TRDN: variants seen among roughly 807,000 people sequenced by gnomAD.
The protein encoded by TRDN is triadin in skeletal muscle.
TRDN carries 161 observed loss-of-function variants against 149.7 expected under a neutral mutation model. The observed-to-expected ratio is 1.08, with a 90% CI of 0.95 to 1.23. The LOEUF is 1.23. Ranked by LOEUF, TRDN falls within the 50% of genes most tolerant of loss-of-function variation. The pLI, the probability that TRDN is intolerant of heterozygous loss-of-function variation, is 0.00. For missense variants in TRDN, 896 were observed against 823.5 expected (o/e 1.09, Z -1.08); for synonymous variants, 294 against 250.5 (o/e 1.17, Z -1.64).
intron 9 of TRDN, among the ~76,000 whole-genome samples, chr6:123,482,858 C>T (rs981954917): frequency 9.9e-5 from 15 of 151,874 alleles, no homozygotes; most frequent in Non-Finnish European, 2.2e-4. Context: ...CTTTTTCCCT[C>T]AGGAAAGCAG....
At chr6:123,625,266 T>C (rs1785595599) in intron 1 of TRDN, among the ~76,000 whole-genome samples, 1 of 152,176 alleles carries the variant, frequency 6.6e-6, no homozygotes, top group Non-Finnish European at 1.5e-5. Context: ...AACAATAATA[T>C]GACATTCTTT....
In TRDN at chr6:123,218,597, G is replaced by A. The variant is rs780798490; in HGVS notation, c.*4C>T. ...AAGCACTTGTAAGGGTCATACATGT[G>A]TGTTTACTGTCCTTGTTGCTTCTGT... On this transcript the variant is annotated 3_prime_UTR_variant, in exon 41 of 41. Coordinates refer to ENST00000334268, the MANE Select transcript of TRDN (RefSeq NM_006073.4). The A allele has an allele frequency of 1.9e-6, 3 of 1,610,856 alleles. No individual in the cohort carries two copies. In the Admixed American group the frequency reaches 5.0e-5, roughly 27 times the overall value.
intron 9 of TRDN, among the ~76,000 whole-genome samples, chr6:123,473,044 C>T (rs541545652): frequency 1.1e-3 from 163 of 152,336 alleles, no homozygotes; most frequent in African/African-American, 3.7e-3. Context: ...CGCCTCTCCT[C>T]CTCCAAAGGA....
chr6:123,540,543 T>A (rs1780776154), intron 4 of TRDN, among the ~76,000 whole-genome samples: 1 of 152,220 alleles, frequency 6.6e-6, no homozygotes, highest in African/African-American at 2.4e-5. Flanking sequence ...TTTGTTTGTT[T>A]GAGTCTCGCT....
chr6:123,504,491 T>G (rs1285115687), intron 7 of TRDN, among the ~76,000 whole-genome samples: 2 of 152,178 alleles, frequency 1.3e-5, no homozygotes, highest in Non-Finnish European at 2.9e-5. Flanking sequence ...AGACCTATAG[T>G]CTAATGATTT....
chr6:123,313,152 C>T (rs1778896590), intron 24 of TRDN, among the ~76,000 whole-genome samples: 1 of 151,970 alleles, frequency 6.6e-6, no homozygotes, highest in South Asian at 2.1e-4. Context: ...ATGTTATTCT[C>T]TATGCTAGCT....
chr6:123,547,064 T>C (rs573245673), intron 4 of TRDN, among the ~76,000 whole-genome samples: 2 of 152,268 alleles, frequency 1.3e-5, no homozygotes, highest in Non-Finnish European at 2.9e-5. Context: ...TACAGAATTC[T>C]CCCCTCATTC....
At chr6:123,613,155 T>C (rs1441800057) in intron 1 of TRDN, among the ~76,000 whole-genome samples, 1 of 152,180 alleles carries the variant, frequency 6.6e-6, no homozygotes, top group Non-Finnish European at 1.5e-5. Context: ...ATTTTATGCA[T>C]TGAACAAATC....
At chr6:123,221,817 G>C (rs969960168) in intron 39 of TRDN, among the ~76,000 whole-genome samples, 9 of 151,712 alleles carry the variant, frequency 5.9e-5, no homozygotes, top group Non-Finnish European at 1.2e-4. Flanking sequence ...GAGGATAGTT[G>C]ACATGCATCC....
intron 4 of TRDN, among the ~76,000 whole-genome samples, chr6:123,540,552 C>T (rs897118370): frequency 2.6e-5 from 4 of 152,144 alleles, no homozygotes; most frequent in African/African-American, 9.6e-5. Context: ...TTGAGTCTCG[C>T]TCTGTCACCC....
chr6:123,453,214 A>G (rs1042605394), intron 10 of TRDN, among the ~76,000 whole-genome samples: 1 of 152,242 alleles, frequency 6.6e-6, no homozygotes, highest in African/African-American at 2.4e-5. Context: ...TTCATGACCA[A>G]TAACCCAAAA....
At chr6:123,248,016 T>C (rs1260853107) in intron 38 of TRDN, among the ~76,000 whole-genome samples, 1 of 152,090 alleles carries the variant, frequency 6.6e-6, no homozygotes, top group Non-Finnish European at 1.5e-5. Context: ...CTCTATTTAA[T>C]AAATAGTGTT....
intron 9 of TRDN, among the ~76,000 whole-genome samples, chr6:123,485,280 C>T (rs1777925123): frequency 6.6e-6 from 1 of 152,124 alleles, no homozygotes; most frequent in South Asian, 2.1e-4. Flanking sequence ...AGAGATATAA[C>T]CAATAACTCC....
At chr6:123,620,143 C>A (rs1474791684) in intron 1 of TRDN, among the ~76,000 whole-genome samples, 1 of 152,112 alleles carries the variant, frequency 6.6e-6, no homozygotes, top group Non-Finnish European at 1.5e-5. Flanking sequence ...GGATCTTTAT[C>A]CCTAATTAAT....
chr6:123,461,678 G>A (rs1012594846), intron 10 of TRDN, among the ~76,000 whole-genome samples: 10 of 151,666 alleles, frequency 6.6e-5, no homozygotes, highest in South Asian at 2.1e-4. Flanking sequence ...GGAAGAGGGC[G>A]GGCAACATTG....
chr6:123,456,629 C>T (rs757667307), intron 10 of TRDN, among the ~76,000 whole-genome samples: 5 of 151,970 alleles, frequency 3.3e-5, no homozygotes, highest in East Asian at 1.9e-4. Flanking sequence ...CCTCCATGCC[C>T]GGCTAATTTT....
chr6:123,585,875 CTTT>C (rs1293338110), intron 1 of TRDN, among the ~76,000 whole-genome samples: 1 of 152,026 alleles, frequency 6.6e-6, no homozygotes, highest in African/African-American at 2.4e-5. Context: ...GGAATTGCAA[CTTT>C]TTTCTATTAT....
At chr6:123,290,466 G>T (rs1209328938) in intron 24 of TRDN, among the ~76,000 whole-genome samples, 5 of 152,096 alleles carry the variant, frequency 3.3e-5, no homozygotes, top group Non-Finnish European at 7.4e-5. Context: ...AAATTTAACA[G>T]AATTTTTATC....
intron 12 of TRDN, among the ~76,000 whole-genome samples, chr6:123,401,115 T>C (rs1772950998): frequency 6.6e-6 from 1 of 152,222 alleles, no homozygotes; most frequent in African/African-American, 2.4e-5. Flanking sequence ...GTGGCAATTA[T>C]CCTCACAAAA....
Sources: allele counts gnomAD v4.1 joint callset (sites outside exome capture counted in the v4.1 genomes callset), GRCh38; gene constraint gnomAD v4.1.1; transcripts MANE v1.5; gene names NCBI Gene and HGNC (gene_info 2026-07-23, HGNC 2026-07-21).